The following HOOK3 variants were observed in gnomAD, a reference collection of about 807,000 sequenced individuals.
The protein encoded by HOOK3 is hook microtubule tethering protein 3.
Under a neutral mutation model 116.3 loss-of-function variants are expected in HOOK3, and 24 were observed. The ratio of observed to expected loss-of-function variants is 0.21; its 90% CI spans 0.15 to 0.29. The LOEUF (loss-of-function observed/expected upper bound fraction) is 0.29, where lower values mean the gene tolerates loss of function less well. HOOK3 is among the 10% of genes least tolerant of loss of function. The pLI is 1.00. For missense variants in HOOK3, 632 were observed against 830.2 expected, an observed-to-expected ratio of 0.76 and a Z score of 2.93; for synonymous variants, 275 against 283.0, an observed-to-expected ratio of 0.97 and a Z score of 0.28.
chr8:42,984,323 GC>G (rs1278404497), intron 14 of HOOK3, among the ~76,000 whole-genome samples: 1 of 150,870 alleles, frequency 6.6e-6, no homozygotes, highest in African/African-American at 2.4e-5. Flanking sequence ...AGCCGAGATC[GC>G]GCCATTGCAC....
At chr8:43,002,470 G>C (rs544990263) in intron 17 of HOOK3, among the ~76,000 whole-genome samples, 2 of 152,168 alleles carry the variant, frequency 1.3e-5, no homozygotes, top group African/African-American at 4.8e-5. Context: ...GGAGTTGAAA[G>C]CTGGTCTCTG....
At chr8:42,984,882 G>A (rs950407019) in intron 14 of HOOK3, among the ~76,000 whole-genome samples, 5 of 152,156 alleles carry the variant, frequency 3.3e-5, no homozygotes, top group Non-Finnish European at 4.4e-5. Flanking sequence ...CAGCCTGGGC[G>A]ACAGCTAGAT....
At chr8:42,972,246 A>G (rs979789029) in intron 11 of HOOK3, among the ~76,000 whole-genome samples, 2 of 152,132 alleles carry the variant, frequency 1.3e-5, no homozygotes, top group African/African-American at 2.4e-5. Context: ...TCTGTGGTCA[A>G]TATGTGTGTT....
chr8:43,029,495 A>C lies in HOOK3; in HGVS notation c.*10997A>C, dbSNP rs2130510436. On this transcript the variant is annotated 3_prime_UTR_variant, in exon 22 of 22. Transcript: ENST00000307602. ...CCTTAGTTATTTATAATTCAAATGC[A>C]CTAAAATATCATCGCTGTCATGAAC... The C allele has an allele frequency of 1.1e-5, 2 of 182,110 alleles. No individual in the cohort carries two copies. The highest frequency in any genetic ancestry group is 2.3e-5 in the Non-Finnish European group (2 of 85,414). The allele number at this position is 182,110 out of a possible 1,614,324, so 11.3% of individuals were successfully genotyped here. A position where few individuals can be genotyped will look rare whatever the true frequency, so the allele number is the denominator to read the frequency against.
At chr8:42,981,599 G>A (rs1423895024) in intron 13 of HOOK3, among the ~76,000 whole-genome samples, 7 of 152,064 alleles carry the variant, frequency 4.6e-5, no homozygotes, top group Admixed American at 4.6e-4. Flanking sequence ...AAAAGAATAA[G>A]GTGGCCAGGT....
intron 10 of HOOK3, among the ~76,000 whole-genome samples, chr8:42,966,918 C>T (rs1674895884): frequency 6.6e-6 from 1 of 152,184 alleles, no homozygotes; most frequent in African/African-American, 2.4e-5. Context: ...CTTACTTGTA[C>T]AGCTCTGGAG....
intron 3 of HOOK3, among the ~76,000 whole-genome samples, chr8:42,927,093 TA>T (rs1479826396): frequency 2.6e-5 from 4 of 152,248 alleles, no homozygotes; most frequent in Non-Finnish European, 5.9e-5. Flanking sequence ...CCCCTGAACT[TA>T]AGACATGTTC....
intron 17 of HOOK3, 71 bp from the exon 18 acceptor site, chr8:43,007,776 C>T (rs1466975115): frequency 2.3e-6 from 2 of 865,340 alleles, no homozygotes; most frequent in Non-Finnish European, 3.6e-6. Flanking sequence ...ATATAAGGAA[C>T]TCAGATCTTT....
In HOOK3 at chr8:42,904,795, AC is replaced by A. The variant is rs1480057457; in HGVS notation, c.58-1374del. ...TGTTCTGTTTCTTCCTCCAATTCTT[AC>A]CCCTACTCGATCTGTACCAAGCTGC... On this transcript the variant is annotated intron_variant, in intron 1 of 21. Transcript: ENST00000307602. Among the ~76,000 whole-genome samples the A allele has an allele frequency of 2.0e-5, 3 of 151,882 alleles. No homozygotes were observed. The South Asian group carries it at 6.3e-4, about 32-fold the overall frequency.
chr8:42,938,126 C>A (rs1253690264), intron 4 of HOOK3, among the ~76,000 whole-genome samples: 1 of 151,964 alleles, frequency 6.6e-6, no homozygotes, highest in Non-Finnish European at 1.5e-5. Flanking sequence ...TTGAATTGAT[C>A]CCTTTACCGT....
chr8:42,966,554 T>G lies in HOOK3; in HGVS notation c.861T>G (p.Asp287Glu). Residue 287 changes from aspartate to glutamate, a missense_variant, in exon 10 of 22, where the codon GAT becomes GAG. Transcript: ENST00000307602. ...KEISELRQQN[D>E]ELTTLADEAQ... ...TCTCTGAACTTCGGCAACAGAATGA[T>G]GAACTGACCACTTTGGCAGATGAAG... The G allele has an allele frequency of 6.2e-7, 1 of 1,614,146 alleles. No individual in the cohort carries two copies. The highest frequency in any genetic ancestry group is 8.5e-7 in the Non-Finnish European group (1 of 1,179,998).
chr8:43,030,079 A>G lies in HOOK3; in HGVS notation c.*11581A>G, dbSNP rs1036305067. 1.4e-5 allele frequency: 3 copies of G among 211,314 alleles called. No individual in the cohort carries two copies. Among genetic ancestry groups the G allele is most frequent in the Non-Finnish European group, 1.9e-5 (2 of 104,404 alleles). The allele number at this position is 211,314 out of a possible 1,614,324, so 13.1% of individuals were successfully genotyped here. On this transcript the variant is annotated 3_prime_UTR_variant, in exon 22 of 22. Transcript: ENST00000307602. Reference sequence around the variant, plus strand: ...TGGAACTTCTCACTTCAAAAATGAAATACAGATTTAGCAGTGTTGTACATA... The same window carrying G: ...TGGAACTTCTCACTTCAAAAATGAAGTACAGATTTAGCAGTGTTGTACATA...
At chr8:42,954,090 ATATT>A (rs1162095540) in intron 6 of HOOK3, among the ~76,000 whole-genome samples, 1 of 152,224 alleles carries the variant, frequency 6.6e-6, no homozygotes, top group Non-Finnish European at 1.5e-5. Flanking sequence ...TCTTTGAAAA[ATATT>A]TAATGACATA....
intron 6 of HOOK3, among the ~76,000 whole-genome samples, chr8:42,954,760 T>C (rs984384475): frequency 1.3e-5 from 2 of 152,114 alleles, no homozygotes; most frequent in African/African-American, 4.8e-5. Context: ...ATAAGTCTCA[T>C]AGGAGATGCT....
At chr8:43,008,626 A>AATTTTTATTTTT (rs71550438) in intron 18 of HOOK3, among the ~76,000 whole-genome samples, 1,700 of 143,300 alleles carry the variant, frequency 0.012, 27 homozygotes, top group Non-Finnish European at 0.02. Context: ...GCCTATATTA[A>AATTTTTATTTTT]ATTTTTATTT....
rs558271548 is a variant in HOOK3, at chr8:42,994,161, G to A, written c.1533-3389G>A. ...CTCCAGAGTAGCTGGGACTATAGGC[G>A]TGCACCACCACCCCCGGCTAATTTT... On this transcript the variant is annotated intron_variant, in intron 15 of 21. Coordinates refer to ENST00000307602, the MANE Select transcript of HOOK3 (RefSeq NM_032410.4). Among the ~76,000 whole-genome samples the A allele has an allele frequency of 8.6e-5, 13 of 151,996 alleles. No individual in the cohort carries two copies. In the South Asian group the frequency reaches 1.0e-3, roughly 12 times the overall value.
intron 11 of HOOK3, among the ~76,000 whole-genome samples, chr8:42,970,072 T>C (rs1438846748): frequency 1.3e-5 from 2 of 152,240 alleles, no homozygotes; most frequent in African/African-American, 4.8e-5. Context: ...TTTGCACATT[T>C]AGGTATTTAA....
At chr8:42,975,111 G>A (rs1270185821) in intron 13 of HOOK3, among the ~76,000 whole-genome samples, 1 of 152,154 alleles carries the variant, frequency 6.6e-6, no homozygotes, top group Non-Finnish European at 1.5e-5. Context: ...ACCCAGGAGC[G>A]GGAACCTGGG....
chr8:42,988,072 A>G (rs34143633), intron 15 of HOOK3, among the ~76,000 whole-genome samples: 7,264 of 152,276 alleles, frequency 0.048, 227 homozygotes, highest in South Asian at 0.085. Context: ...AAAGCTACTG[A>G]GATAGAATCA....
Sources: gnomAD v4.1 joint callset for allele counts (sites outside exome capture counted in the v4.1 genomes callset) on GRCh38, gnomAD v4.1.1 for gene constraint, MANE v1.5 for transcripts, NCBI Gene and HGNC (gene_info 2026-07-23, HGNC 2026-07-21) for gene names.